HBP1: variants seen among roughly 807,000 people sequenced by gnomAD.
HBP1 encodes the protein HMG-box transcription factor 1, also known as HMG box-containing protein 1.
Under a neutral mutation model 62.6 loss-of-function variants are expected in HBP1, and 20 were observed. That is an observed-to-expected ratio of 0.32 (90% CI 0.22 to 0.46). The LOEUF is 0.46. Ranked by LOEUF, HBP1 falls within the 20% of genes least tolerant of loss-of-function variation. The probability of loss-of-function intolerance (pLI) is 1.00; values close to 1 mark genes in which losing one functional copy is unlikely to be tolerated. For synonymous variants in HBP1, 232 were observed against 206.2 expected, an observed-to-expected ratio of 1.12 and a Z score of -1.07; for missense variants, 480 against 611.8, an observed-to-expected ratio of 0.78 and a Z score of 2.27.
chr7:107,174,175 CTGAGAT>C (rs961878539), intron 1 of HBP1, among the ~76,000 whole-genome samples: 2 of 152,188 alleles, frequency 1.3e-5, no homozygotes, highest in Admixed American at 6.5e-5. Flanking sequence ...GACCGTGAGT[CTGAGAT>C]TGAGTGAGTG....
chr7:107,169,565 C>G (rs541988754), intron 1 of HBP1, among the ~76,000 whole-genome samples: 1 of 137,396 alleles, frequency 7.3e-6, no homozygotes. Flanking sequence ...TTCAACTCCC[C>G]GTTTGTGGGC....
chr7:107,186,139 G>C (rs1398704345), intron 4 of HBP1, among the ~76,000 whole-genome samples, 197 bp downstream of exon 4: 1 of 137,884 alleles, frequency 7.3e-6, no homozygotes, highest in African/African-American at 2.6e-5. Flanking sequence ...ACTTTGTTTT[G>C]TGTGTGTCTT....
chr7:107,177,723 A>G (rs971503605), intron 1 of HBP1, among the ~76,000 whole-genome samples: 1 of 152,232 alleles, frequency 6.6e-6, no homozygotes, highest in Non-Finnish European at 1.5e-5. Context: ...AAACTATAAT[A>G]TGAAATATGA....
At chr7:107,177,583 A>T (rs1036117063) in intron 1 of HBP1, among the ~76,000 whole-genome samples, 6 of 152,234 alleles carry the variant, frequency 3.9e-5, no homozygotes, top group Non-Finnish European at 7.3e-5. Flanking sequence ...GAAACTGGGA[A>T]TAGCATATTC....
In HBP1 at chr7:107,171,073, A is replaced by ATATATTTTTTTTTTTTT; in HGVS notation, c.-16+1889_-16+1890insATATTTTTTTTTTTTTT. Among the ~76,000 whole-genome samples the ATATATTTTTTTTTTTTT allele has an allele frequency of 1.8e-4, 16 of 87,200 alleles. 1 individual carries two copies. Among genetic ancestry groups the ATATATTTTTTTTTTTTT allele is most frequent in the African/African-American group, 7.3e-4 (11 of 15,124 alleles). The allele number at this position is 87,200 out of a possible 152,430, so 57.2% of individuals were successfully genotyped here. On this transcript the variant is annotated intron_variant, in intron 1 of 10. Transcript: ENST00000222574. ...TATATATATATATATATATATATATATTTTTTTTTTTTTTTGAGAGGGAGT... is the reference window on the plus strand; with the variant it reads ...TATATATATATATATATATATATATATATATTTTTTTTTTTTTTTTTTTTTTTTTTTTGAGAGGGAGT...
chr7:107,169,211 A>T, intron 1 of HBP1, 26 bp downstream of exon 1: 31 of 42,892 alleles, frequency 7.2e-4, no homozygotes, highest in Non-Finnish European at 7.9e-4. Flanking sequence ...GTTAGGGAAG[A>T]GGTGGGGGTG....
intron 9 of HBP1, among the ~76,000 whole-genome samples, chr7:107,197,961 T>C (rs2115998539): frequency 6.6e-6 from 1 of 152,290 alleles, no homozygotes. Context: ...TCTCTTTTTG[T>C]ACACTTCTGG....
intron 8 of HBP1, among the ~76,000 whole-genome samples, chr7:107,191,306 C>T (rs1311722776): frequency 2.0e-5 from 3 of 152,138 alleles, no homozygotes; most frequent in Non-Finnish European, 4.4e-5. Flanking sequence ...TTACATCCCT[C>T]ATATACACTC....
intron 6 of HBP1, among the ~76,000 whole-genome samples, chr7:107,187,932 C>T (rs1393009141): frequency 6.6e-6 from 1 of 152,160 alleles, no homozygotes; most frequent in Non-Finnish European, 1.5e-5. Flanking sequence ...GTTCCTCTCT[C>T]CTGATAATGT....
In HBP1 at chr7:107,201,983, C is replaced by A. The variant is rs755241520; in HGVS notation, c.*552C>A. ...GGCTACCAGAACATGGGGCAGGTGG[C>A]TGGTGTTGGTGTCCCAGCCTAAGAG... On this transcript the variant is annotated 3_prime_UTR_variant, in exon 11 of 11. Coordinates refer to ENST00000222574, the MANE Select transcript of HBP1 (RefSeq NM_012257.4). 6.6e-6 allele frequency: 1 copy of A among 152,658 alleles called. No homozygotes were observed. Among genetic ancestry groups the A allele is most frequent in the Non-Finnish European group, 1.5e-5 (1 of 68,054 alleles). 9.5% of individuals were successfully genotyped at this position (152,658 alleles called of 1,614,324 possible). A position where few individuals can be genotyped will look rare whatever the true frequency, so the allele number is the denominator to read the frequency against.
intron 2 of HBP1, among the ~76,000 whole-genome samples, chr7:107,181,821 G>GTAGC (rs1797119705): frequency 6.6e-6 from 1 of 151,866 alleles, no homozygotes; most frequent in Non-Finnish European, 1.5e-5. Flanking sequence ...TGCATGAGTG[G>GTAGC]TAGCTGGGTA....
At chr7:107,193,102 A>C (rs1177390328) in intron 8 of HBP1, 2 of 152,184 alleles carry the variant, frequency 1.3e-5, no homozygotes, top group Non-Finnish European at 2.9e-5. Flanking sequence ...TTCTGTTGTA[A>C]GTAGCCCATT....
intron 7 of HBP1, 130 bp from the exon 8 acceptor site, chr7:107,190,043 C>A (rs1797575655): frequency 3.1e-6 from 2 of 639,202 alleles, no homozygotes; most frequent in Non-Finnish European, 5.3e-6. Flanking sequence ...AGATACATGA[C>A]TTGTGTTAGA....
chr7:107,198,413 T>C (rs941502329), intron 9 of HBP1, among the ~76,000 whole-genome samples: 2 of 152,098 alleles, frequency 1.3e-5, no homozygotes, highest in Admixed American at 1.3e-4. Context: ...TTTCACCTTG[T>C]TGGCTAGGCT....
chr7:107,180,812 T>C (rs1797069649), intron 2 of HBP1, among the ~76,000 whole-genome samples: 1 of 152,194 alleles, frequency 6.6e-6, no homozygotes, highest in Non-Finnish European at 1.5e-5. Flanking sequence ...TTCTGGACCC[T>C]AGTATTTATT....
chr7:107,183,497 T>G (rs1797208632), intron 3 of HBP1, among the ~76,000 whole-genome samples: 1 of 152,202 alleles, frequency 6.6e-6, no homozygotes, highest in East Asian at 1.9e-4. Flanking sequence ...TCAGTTTAAT[T>G]CCGTGTTCAT....
rs1184704903 is a variant in HBP1 at position 107,171,063 on chromosome 7, A to AT, written c.-16+1879dup. Among the ~76,000 whole-genome samples the AT allele has an allele frequency of 3.6e-4, 24 of 65,908 alleles. 2 individuals are homozygous for AT. The highest frequency in any genetic ancestry group is 1.1e-3 in the East Asian group (3 of 2,692). The allele number at this position is 65,908 out of a possible 152,430, so 43.2% of individuals were successfully genotyped here. A position where few individuals can be genotyped will look rare whatever the true frequency, so the allele number is the denominator to read the frequency against. ...CATGTATAAATATATATATATATAT[A>AT]TATATATATATTTTTTTTTTTTTTT... On this transcript the variant is annotated intron_variant, in intron 1 of 10. Coordinates refer to ENST00000222574, the MANE Select transcript of HBP1 (RefSeq NM_012257.4).
In HBP1 at chr7:107,189,461, T is replaced by A; in HGVS notation, c.922+13T>A. ...GTTAAAAATAAAGGTAGGGCTTGAATTGCATTTGTAGTAACTTTTTTTAAA... is the reference window on the plus strand; with the variant it reads ...GTTAAAAATAAAGGTAGGGCTTGAAATGCATTTGTAGTAACTTTTTTTAAA... On this transcript the variant is annotated intron_variant, in intron 7 of 10. Coordinates refer to ENST00000222574, the MANE Select transcript of HBP1 (RefSeq NM_012257.4). 1 of 1,588,020 alleles carries A rather than the reference T, an allele frequency of 6.3e-7. No homozygotes were observed. The highest frequency in any genetic ancestry group is 2.3e-5 in the East Asian group (1 of 44,408).
intron 1 of HBP1, among the ~76,000 whole-genome samples, chr7:107,175,715 T>TC (rs1193096596): frequency 6.6e-6 from 1 of 150,470 alleles, no homozygotes; most frequent in Non-Finnish European, 1.5e-5. Context: ...CTCCCTCTCT[T>TC]CTTTTTTTTT....
Sources: gnomAD v4.1 joint callset for allele counts (sites outside exome capture counted in the v4.1 genomes callset) on GRCh38, gnomAD v4.1.1 for gene constraint, MANE v1.5 for transcripts, NCBI Gene and HGNC (gene_info 2026-07-23, HGNC 2026-07-21) for gene names.